SLC12A2: variants seen among roughly 807,000 people sequenced by gnomAD.
SLC12A2 encodes the protein Na-K-2Cl cotransporter 1.
A neutral mutation model predicts 136.3 loss-of-function variants in SLC12A2; 67 were observed. The observed-to-expected ratio is 0.49, with a 90% CI of 0.40 to 0.60. The LOEUF (loss-of-function observed/expected upper bound fraction) is 0.60. SLC12A2 is among the 20% of genes least tolerant of loss of function. The probability of loss-of-function intolerance (pLI) is 0.00; values close to 1 mark genes in which losing one functional copy is unlikely to be tolerated. For missense variants in SLC12A2, 1,322 were observed against 1,534.7 expected, an observed-to-expected ratio of 0.86 and a Z score of 2.32; for synonymous variants, 619 against 562.9, an observed-to-expected ratio of 1.10 and a Z score of -1.41.
intron 15 of SLC12A2, among the ~76,000 whole-genome samples, chr5:128,154,520 A>T (rs1762813047): frequency 6.6e-6 from 1 of 152,268 alleles, no homozygotes; most frequent in Admixed American, 6.5e-5. Flanking sequence ...TGTCATGAAA[A>T]TCAATAGTTG....
Position 128,138,624 on chromosome 5 carries a change from C to G in SLC12A2, c.1436C>G (p.Pro479Arg). The G allele has an allele frequency of 6.2e-7, 1 of 1,611,188 alleles. No individual in the cohort carries two copies. The highest frequency in any genetic ancestry group is 8.5e-7 in the Non-Finnish European group (1 of 1,179,228). Residue 479 changes from proline to arginine, a missense_variant, in exon 8 of 27, where the codon CCC (proline) becomes CGC (arginine). Physicochemically the swap from Pro to Arg is moderately radical, Grantham distance 103 (BLOSUM62 -2). This residue lies in a region of SLC12A2 where 110 missense variants were observed against 114.5 expected (regional missense o/e 0.96). Coordinates refer to ENST00000262461, the MANE Select transcript of SLC12A2 (RefSeq NM_001046.3). The stretch of plus-strand genomic sequence containing the variant: ...GAAATATTTAATGAGAACTTTGGGC[C>G]CGATTTTCGAGAGGAAGAGACTTTC... ...KSEIFNENFG[P>R]DFREEETFFS...
intron 1 of SLC12A2, among the ~76,000 whole-genome samples, chr5:128,112,008 T>C (rs1184062274): frequency 6.6e-6 from 1 of 152,166 alleles, no homozygotes. Context: ...GACATAATTC[T>C]AAACCCAGAA....
intron 4 of SLC12A2, among the ~76,000 whole-genome samples, chr5:128,124,390 A>G (rs809841): frequency 0.47 from 70,891 of 152,092 alleles, 17,971 homozygotes; most frequent in Non-Finnish European, 0.56. Context: ...TTCAAATGCC[A>G]GTTGCAATTC....
In SLC12A2 at chr5:128,114,654, A is replaced by G. The variant is rs142044881; in HGVS notation, c.1021A>G (p.Ile341Val). The stretch of plus-strand genomic sequence containing the variant: ...TATCACAGGATTGTCTACTTCAGCA[A>G]TAGCAACTAATGGATTTGTAAGAGG... The part of the protein sequence containing the change: ...TTITGLSTSA[I>V]ATNGFVRGGG... Residue 341 changes from isoleucine to valine, a missense_variant, in exon 4 of 27, where the codon ATA (isoleucine) becomes GTA (valine). By Grantham distance (29) the Ile-to-Val change is conservative. Transcript: ENST00000262461. 1.9e-5 allele frequency: 31 copies of G among 1,609,468 alleles called. No individual in the cohort carries two copies. Among genetic ancestry groups the G allele is most frequent in the South Asian group, 1.6e-4 (15 of 90,980 alleles).
intron 14 of SLC12A2, 28 bp downstream of exon 14, chr5:128,151,424 A>C: frequency 6.3e-7 from 1 of 1,585,254 alleles, no homozygotes; most frequent in Non-Finnish European, 8.6e-7. Flanking sequence ...TTTATATCCC[A>C]AGCTAGAAAA....
At chr5:128,185,545 TTTGC>T (rs1763840572) in intron 26 of SLC12A2, among the ~76,000 whole-genome samples, 1 of 151,616 alleles carries the variant, frequency 6.6e-6, no homozygotes, top group African/African-American at 2.4e-5. Context: ...AGTTTCAAGT[TTTGC>T]TGATGATAAT....
intron 4 of SLC12A2, among the ~76,000 whole-genome samples, chr5:128,118,241 G>A (rs1376757049): frequency 3.3e-5 from 5 of 152,068 alleles, no homozygotes; most frequent in Admixed American, 1.3e-4. Context: ...AGGAAAATAA[G>A]TCATTATATG....
At chr5:128,121,085 A>G (rs1382949457) in intron 4 of SLC12A2, among the ~76,000 whole-genome samples, 1 of 152,130 alleles carries the variant, frequency 6.6e-6, no homozygotes, top group East Asian at 1.9e-4. Flanking sequence ...ATTTAATATT[A>G]CTAATTAATT....
intron 4 of SLC12A2, among the ~76,000 whole-genome samples, chr5:128,119,874 A>G (rs992306603): frequency 3.9e-5 from 6 of 152,216 alleles, no homozygotes; most frequent in African/African-American, 9.7e-5. Flanking sequence ...TAATTAAACT[A>G]AAGAGCTTCT....
chr5:128,186,766 C>A lies in SLC12A2; in HGVS notation c.*135C>A. ...TCACGATTTCATTAATTTGAAAGCA[C>A]ACAGGAAAGTTGCTCCATTGATAAC... On this transcript the variant is annotated 3_prime_UTR_variant, in exon 27 of 27. Transcript: ENST00000262461. 1 of 966,808 alleles carries A rather than the reference C, an allele frequency of 1.0e-6. No homozygotes were observed. The allele number at this position is 966,808 out of a possible 1,614,324, so 59.9% of individuals were successfully genotyped here.
chr5:128,145,310 A>G (rs1173254049), intron 10 of SLC12A2, among the ~76,000 whole-genome samples: 1 of 152,080 alleles, frequency 6.6e-6, no homozygotes, highest in Non-Finnish European at 1.5e-5. Flanking sequence ...ACTTTCGTCC[A>G]CTTATCTCTT....
chr5:128,146,461 GGTT>G (rs1762528212), intron 10 of SLC12A2, among the ~76,000 whole-genome samples: 1 of 150,914 alleles, frequency 6.6e-6, no homozygotes, highest in Non-Finnish European at 1.5e-5. Context: ...ATTTGAACCA[GGTT>G]GTTTTTGAAT....
intron 6 of SLC12A2, among the ~76,000 whole-genome samples, chr5:128,135,057 G>C (rs972264847): frequency 1.3e-5 from 2 of 152,006 alleles, no homozygotes; most frequent in African/African-American, 4.8e-5. Context: ...TACCACCTGG[G>C]ACATGATTAG....
intron 1 of SLC12A2, chr5:128,109,565 C>T: frequency 1.4e-6 from 1 of 703,128 alleles, no homozygotes; most frequent in East Asian, 2.7e-5. Context: ...GCAGCTGAGT[C>T]CGGAGAAGAG....
At chr5:128,098,214 C>T (rs138050027) in intron 1 of SLC12A2, among the ~76,000 whole-genome samples, 270 of 152,128 alleles carry the variant, frequency 1.8e-3, no homozygotes, top group African/African-American at 6.0e-3. Context: ...CTTCTTCTGC[C>T]ATTTCCATTC....
chr5:128,146,756 T>C (rs901506053), intron 10 of SLC12A2, among the ~76,000 whole-genome samples: 23 of 151,716 alleles, frequency 1.5e-4, no homozygotes, highest in Non-Finnish European at 5.9e-5. Flanking sequence ...CATTTAGCTC[T>C]AGAAGATAAA....
At chr5:128,113,704 A>G (rs1323050145) in intron 2 of SLC12A2, among the ~76,000 whole-genome samples, 1 of 152,210 alleles carries the variant, frequency 6.6e-6, no homozygotes, top group African/African-American at 2.4e-5. Flanking sequence ...CATAGCAAAT[A>G]AAACTGAAAA....
rs117561002 is a variant in SLC12A2 at position 128,147,753 on chromosome 5, T to C, written c.1881+24T>C. On this transcript the variant is annotated intron_variant, in intron 11 of 26. Transcript: ENST00000262461. ...AGGTAAGTGTTTTTATATTACAGGC[T>C]TTATTAAAGGGAGAGTTAAAGTAAT... is the stretch of plus-strand genomic sequence containing the variant. 3.1e-3 allele frequency: 4,174 copies of C among 1,362,214 alleles called. 66 individuals carry two copies. In the East Asian group the frequency reaches 0.033, roughly 11 times the overall value. 84.4% of individuals were successfully genotyped at this position (1,362,214 alleles called of 1,614,324 possible). A position where few individuals can be genotyped will look rare whatever the true frequency, so the allele number is the denominator to read the frequency against.
At chr5:128,180,097 G>A (rs1427171009) in intron 22 of SLC12A2, among the ~76,000 whole-genome samples, 3 of 150,796 alleles carry the variant, frequency 2.0e-5, no homozygotes, top group Non-Finnish European at 4.4e-5. Flanking sequence ...AGCCTCCCGA[G>A]TAGCTGGGAC....
Sources: allele counts gnomAD v4.1 joint callset (sites outside exome capture counted in the v4.1 genomes callset), GRCh38; gene constraint gnomAD v4.1.1; regional missense constraint gnomAD v4.1.1; transcripts MANE v1.5; gene names NCBI Gene and HGNC (gene_info 2026-07-23, HGNC 2026-07-21).